Variants in GPRC6A observed in about 807,000 individuals in gnomAD.
GPRC6A encodes G protein-coupled receptor class C group 6 member A, also known as G protein-coupled receptor family C group 6 member A.
In GPRC6A, 54 loss-of-function variants were observed where a neutral mutation model predicts 47.0. That is an observed-to-expected ratio of 1.15 (90% CI 0.92 to 1.44). The LOEUF (loss-of-function observed/expected upper bound fraction) is 1.44, where lower values mean the gene tolerates loss of function less well. Ranked by LOEUF, GPRC6A falls within the 40% of genes most tolerant of loss-of-function variation. The probability of loss-of-function intolerance (pLI) is 0.00; values close to 1 mark genes in which losing one functional copy is unlikely to be tolerated. For synonymous variants in GPRC6A, 347 were observed against 377.1 expected, an observed-to-expected ratio of 0.92 and a Z score of 0.93; for missense variants, 1,112 against 1,105.5, an observed-to-expected ratio of 1.01 and a Z score of -0.08.
At chr6:116,828,113 T>C (rs1355285203) in intron 1 of GPRC6A, among the ~76,000 whole-genome samples, 1 of 151,860 alleles carries the variant, frequency 6.6e-6, no homozygotes, top group African/African-American at 2.4e-5. Context: ...GAACTCAGAG[T>C]TTAAGTGATC....
At chr6:116,813,135 C>T (rs1562484613) in intron 1 of GPRC6A, among the ~76,000 whole-genome samples, 1 of 152,152 alleles carries the variant, frequency 6.6e-6, no homozygotes, top group Non-Finnish European at 1.5e-5. Flanking sequence ...AAGAATATTC[C>T]ATGCTCATGG....
chr6:116,816,349 C>T (rs1470581161), intron 1 of GPRC6A, among the ~76,000 whole-genome samples: 3 of 152,234 alleles, frequency 2.0e-5, no homozygotes, highest in Admixed American at 1.3e-4. Context: ...AAAGGGCCTA[C>T]AGGCCCATGT....
chr6:116,829,058 T>A lies in GPRC6A; in HGVS notation c.-45A>T, dbSNP rs1773765922. The stretch of plus-strand genomic sequence containing the variant: ...AGTTCATGTGAGTTCTTAGGAATCA[T>A]TAAGTGCACGGAGTGCCAGCAAGAT... On this transcript the variant is annotated 5_prime_UTR_variant, in exon 1 of 6. An upstream start codon of the reference 5' UTR is lost. Transcript: ENST00000310357. 1.9e-6 allele frequency: 3 copies of A among 1,568,912 alleles called. No homozygotes were observed. The highest frequency in any genetic ancestry group is 2.6e-6 in the Non-Finnish European group (3 of 1,157,600).
chr6:116,817,750 C>G lies in GPRC6A; in HGVS notation c.195-8133G>C, dbSNP rs1245586770. ...GTGAAGAATGCAGAAGCCTCAGGAG[C>G]CGATGCGATCAACTGGAAGAAAGGG... On this transcript the variant is annotated intron_variant, in intron 1 of 5. Coordinates refer to ENST00000310357, the MANE Select transcript of GPRC6A (RefSeq NM_148963.4). Among the ~76,000 whole-genome samples the G allele has an allele frequency of 3.3e-5, 5 of 151,998 alleles. No homozygotes were observed. The East Asian group carries it at 9.7e-4, about 29-fold the overall frequency.
intron 1 of GPRC6A, among the ~76,000 whole-genome samples, chr6:116,819,152 A>T (rs1483725453): frequency 6.6e-6 from 1 of 152,128 alleles, no homozygotes; most frequent in Non-Finnish European, 1.5e-5. Flanking sequence ...CAACAAGAAG[A>T]GCTAACTATC....
intron 4 of GPRC6A, among the ~76,000 whole-genome samples, chr6:116,797,798 G>A (rs1478519032): frequency 6.6e-6 from 1 of 152,198 alleles, no homozygotes; most frequent in Non-Finnish European, 1.5e-5. Flanking sequence ...ACAGTGTTTA[G>A]CAGAGTGCTG....
intron 2 of GPRC6A, among the ~76,000 whole-genome samples, chr6:116,808,208 G>T (rs1248333962): frequency 6.6e-6 from 1 of 152,060 alleles, no homozygotes; most frequent in Non-Finnish European, 1.5e-5. Context: ...GTAAACCTAA[G>T]TTCCCTTCCA....
chr6:116,828,134 T>C (rs1284633188), intron 1 of GPRC6A, among the ~76,000 whole-genome samples: 4 of 152,100 alleles, frequency 2.6e-5, no homozygotes, highest in African/African-American at 4.8e-5. Flanking sequence ...TACCTAAGTT[T>C]ACAAAATTAG....
rs759079658 is a variant in GPRC6A, at chr6:116,807,177, C to G, written c.528G>C (p.Leu176=). The stretch of plus-strand genomic sequence containing the variant: ...ATGAAGGAAAGCGAATTTTGTCACT[C>G]AGGATTTCTGCAGTTGATTCATAAC... The part of the protein sequence containing the change: ...QVGYESTAEI[L]SDKIRFPSFL... Residue 176 remains leucine, a synonymous_variant, in exon 3 of 6, where the codon CTG becomes CTC. Coordinates refer to ENST00000310357, the MANE Select transcript of GPRC6A (RefSeq NM_148963.4). The G allele has an allele frequency of 6.2e-7, 1 of 1,612,832 alleles. No homozygotes were observed. Among genetic ancestry groups the G allele is most frequent in the Non-Finnish European group, 8.5e-7 (1 of 1,179,288 alleles).
chr6:116,812,113 A>T (rs1436070000), intron 1 of GPRC6A, among the ~76,000 whole-genome samples: 1 of 152,202 alleles, frequency 6.6e-6, no homozygotes, highest in Non-Finnish European at 1.5e-5. Context: ...GAGAATTCTA[A>T]AAACAGTGAG....
intron 3 of GPRC6A, among the ~76,000 whole-genome samples, 175 bp downstream of exon 3, chr6:116,806,195 A>G (rs1225627489): frequency 2.0e-5 from 3 of 152,150 alleles, no homozygotes; most frequent in South Asian, 4.1e-4. Flanking sequence ...CAACTCTGTT[A>G]TCTTGAAGAG....
chr6:116,818,055 G>T (rs1773292333), intron 1 of GPRC6A, among the ~76,000 whole-genome samples: 1 of 152,146 alleles, frequency 6.6e-6, no homozygotes, highest in Non-Finnish European at 1.5e-5. Context: ...TCCTCGAGAA[G>T]AGCAACTCCA....
intron 3 of GPRC6A, among the ~76,000 whole-genome samples, chr6:116,801,075 A>G (rs766253497): frequency 3.4e-4 from 52 of 152,164 alleles, no homozygotes; most frequent in Non-Finnish European, 6.9e-4. Context: ...TTTATCCTAC[A>G]GAATTTTAGA....
At chr6:116,802,816 C>A (rs1353673953) in intron 3 of GPRC6A, among the ~76,000 whole-genome samples, 2 of 152,108 alleles carry the variant, frequency 1.3e-5, no homozygotes, top group African/African-American at 2.4e-5. Context: ...CTTACTACTT[C>A]TTCAAGATGG....
At chr6:116,798,954 G>A (rs1315490312) in intron 4 of GPRC6A, among the ~76,000 whole-genome samples, 3 of 151,972 alleles carry the variant, frequency 2.0e-5, no homozygotes, top group Non-Finnish European at 4.4e-5. Flanking sequence ...ACAATAATCT[G>A]GGTGAGAAGT....
chr6:116,810,937 C>A lies in GPRC6A; in HGVS notation c.195-1320G>T, dbSNP rs182254490. Among the ~76,000 whole-genome samples, 26 of 152,230 alleles carry A rather than the reference C, an allele frequency of 1.7e-4. No homozygotes were observed. The East Asian group carries it at 4.5e-3, about 26-fold the overall frequency. On this transcript the variant is annotated intron_variant, in intron 1 of 5. Transcript: ENST00000310357. ...TCCCAAGAACCCAAGAAATCACCAA[C>A]CTGCTGGTTCCATGGCTTCCACTAT...
At chr6:116,820,324 T>C (rs1370688627) in intron 1 of GPRC6A, among the ~76,000 whole-genome samples, 2 of 152,044 alleles carry the variant, frequency 1.3e-5, no homozygotes, top group Non-Finnish European at 2.9e-5. Context: ...TTCCGATCAA[T>C]AGAAAAAGAG....
At chr6:116,800,559 A>G (rs1224445554) in intron 4 of GPRC6A, 25 bp downstream of exon 4, 3 of 1,527,902 alleles carry the variant, frequency 2.0e-6, no homozygotes, top group Non-Finnish European at 2.7e-6. Context: ...TTTGAGTGCT[A>G]CAAAACGGCC....
chr6:116,798,805 C>T (rs777456617), intron 4 of GPRC6A, among the ~76,000 whole-genome samples: 3 of 151,368 alleles, frequency 2.0e-5, no homozygotes, highest in African/African-American at 4.9e-5. Context: ...AATGCTTGAA[C>T]CTGGGAGGCG....
Sources: allele counts gnomAD v4.1 joint callset (sites outside exome capture counted in the v4.1 genomes callset), GRCh38; gene constraint gnomAD v4.1.1; transcripts MANE v1.5; gene names NCBI Gene and HGNC (gene_info 2026-07-23, HGNC 2026-07-21).